BCL2L12: variants seen among roughly 807,000 people sequenced by gnomAD.
BCL2L12 encodes the protein BCL2 like 12.
BCL2L12 carries 27 observed loss-of-function variants against 25.7 expected under a neutral mutation model. That is an observed-to-expected ratio of 1.05 (90% CI 0.78 to 1.45). The LOEUF is 1.45. BCL2L12 is among the 40% of genes most tolerant of loss of function. The probability of loss-of-function intolerance (pLI) is 0.00; values close to 1 mark genes in which losing one functional copy is unlikely to be tolerated. For synonymous variants in BCL2L12, 132 were observed against 145.6 expected (o/e 0.91, Z 0.67); for missense variants, 302 against 329.8 (o/e 0.92, Z 0.65).
At chr19:49,670,137 G>C (rs1029994149) in intron 5 of BCL2L12, 79 bp from the exon 6 acceptor site, 1 of 1,526,646 alleles carries the variant, frequency 6.6e-7, no homozygotes, top group Non-Finnish European at 8.7e-7. Context: ...TCCTGAACCG[G>C]GAAGCCACGC....
chr19:49,668,662 C>T (rs1018753244), intron 3 of BCL2L12, among the ~76,000 whole-genome samples, 189 bp from the exon 4 acceptor site: 4 of 152,038 alleles, frequency 2.6e-5, no homozygotes, highest in South Asian at 2.1e-4. Flanking sequence ...TGGCGGCGTG[C>T]GCCTGTAGTC....
Position 49,665,955 on chromosome 19 carries a change from T to G in BCL2L12, c.-121T>G, listed in dbSNP as rs141156787. On this transcript the variant is annotated 5_prime_UTR_variant, in exon 1 of 7. Transcript: ENST00000246784. ...CGCCCTTTCTACGCTGGGCCGGTTA[T>G]CGACCCGGCCCAGTGCGCAGGCGCG... The G allele has an allele frequency of 2.1e-4, 334 of 1,613,624 alleles. 1 individual carries two copies. In the African/African-American group the frequency reaches 3.4e-3, roughly 17 times the overall value.
intron 6 of BCL2L12, among the ~76,000 whole-genome samples, chr19:49,671,023 G>A (rs1414888186): frequency 1.3e-5 from 2 of 152,032 alleles, no homozygotes; most frequent in Non-Finnish European, 2.9e-5. Flanking sequence ...TTAGCCGGGC[G>A]CGGTGGCAGG....
chr19:49,670,188 C>G (rs1186989783), intron 5 of BCL2L12, 28 bp from the exon 6 acceptor site: 1 of 1,592,862 alleles, frequency 6.3e-7, no homozygotes, highest in Non-Finnish European at 8.5e-7. Context: ...GCGCTGCTGA[C>G]GCGGACCCTG....
rs1339513511 is a variant in BCL2L12, at chr19:49,667,084, T to C, written c.173T>C (p.Leu58Pro). ...CTTCGAAGATGTCTTCCCTGCTCCC[T>C]GGGGCGAGGAGCAGCCCCCTCTGAG... is the stretch of plus-strand genomic sequence containing the variant. ...SRLRRCLPCS[L>P]GRGAAPSESP... The change falls in exon 3 of 7, where the codon CTG (leucine) becomes CCG (proline). Residue 58 changes from leucine (L) to proline (P), a missense_variant. Physicochemically the swap from Leu to Pro is moderately conservative, Grantham distance 98. Coordinates refer to ENST00000246784, the MANE Select transcript of BCL2L12 (RefSeq NM_138639.2). 1 of 1,613,794 alleles carries C rather than the reference T, an allele frequency of 6.2e-7. No homozygotes were observed. Among genetic ancestry groups the C allele is most frequent in the Non-Finnish European group, 8.5e-7 (1 of 1,179,996 alleles).
At chr19:49,669,158 C>T (rs752704074) in intron 5 of BCL2L12, 43 bp downstream of exon 5, 35 of 1,604,438 alleles carry the variant, frequency 2.2e-5, no homozygotes, top group Admixed American at 6.8e-5. Flanking sequence ...ACAGGAGTTG[C>T]GGAATGGTGG....
At chr19:49,673,586 G>C in intron 6 of BCL2L12, 112 bp from the exon 7 acceptor site, 1 of 896,542 alleles carries the variant, frequency 1.1e-6, no homozygotes, top group South Asian at 1.4e-5. Context: ...GTCACCCTCC[G>C]CTCTCTGGTT....
intron 2 of BCL2L12, 54 bp downstream of exon 2, chr19:49,666,853 A>C: frequency 6.5e-7 from 1 of 1,526,944 alleles, no homozygotes; most frequent in East Asian, 2.5e-5. Context: ...CTCCCTCCTA[A>C]CTCTTGCTCC....
chr19:49,665,484 C>T (rs976141517), upstream of BCL2L12: 9 of 234,862 alleles, frequency 3.8e-5, no homozygotes, highest in African/African-American at 1.1e-4. Context: ...TGCAGCCGAC[C>T]TCCAGCGTCG....
chr19:49,673,384 G>A (rs1178024925), intron 6 of BCL2L12, among the ~76,000 whole-genome samples: 1 of 151,810 alleles, frequency 6.6e-6, no homozygotes, highest in Non-Finnish European at 1.5e-5. Flanking sequence ...ACTCTGAATT[G>A]TTCAAATCCC....
At position 49,667,062 on chromosome 19, in the gene BCL2L12, C is replaced by T. The variant is rs756861401; in HGVS notation, c.151C>T (p.Arg51Ter). The T allele has an allele frequency of 4.3e-6, 7 of 1,613,618 alleles. No individual in the cohort carries two copies. The South Asian group carries it at 4.4e-5, about 10-fold the overall frequency. ...EEPTDFLSRL[R>*]RCLPCSLGRG... ...GCCAACAGACTTCCTGAGCCGCCTT[C>T]GAAGATGTCTTCCCTGCTCCCTGGG... The change falls in exon 3 of 7, where the codon CGA (arginine) becomes TGA (stop). Residue 51 changes from arginine (R) to a stop codon, truncating the protein, a stop_gained. Transcript: ENST00000246784. LOFTEE classifies it high-confidence loss of function.
chr19:49,668,732 C>T (rs2081882714), intron 3 of BCL2L12, 119 bp from the exon 4 acceptor site: 1 of 1,032,870 alleles, frequency 9.7e-7, no homozygotes, highest in Non-Finnish European at 1.4e-6. Context: ...AAAATCAATA[C>T]ATAAATAAAT....
At chr19:49,667,299 T>A in intron 3 of BCL2L12, 138 bp downstream of exon 3, 2 of 1,232,738 alleles carry the variant, frequency 1.6e-6, no homozygotes, top group Non-Finnish European at 2.2e-6. Context: ...TCCTCTCCCC[T>A]CCCCAGTTAG....
At chr19:49,665,850 G>A (rs199911047), upstream of BCL2L12, 12 of 1,603,504 alleles carry the variant, frequency 7.5e-6, no homozygotes, top group Non-Finnish European at 9.4e-6. Context: ...GGCTGTTCCC[G>A]CCCCTATGCC....
chr19:49,668,092 CTTTTTT>C (rs764611836), intron 3 of BCL2L12, among the ~76,000 whole-genome samples: 1 of 125,386 alleles, frequency 8.0e-6, no homozygotes, highest in Non-Finnish European at 1.7e-5. Flanking sequence ...CTCTGACATT[CTTTTTT>C]TTTTTTTTTT....
intron 6 of BCL2L12, 106 bp downstream of exon 6, chr19:49,670,594 C>G: frequency 7.1e-7 from 1 of 1,418,202 alleles, no homozygotes; most frequent in Non-Finnish European, 9.4e-7. Context: ...AGGTATTCTC[C>G]CAGCTCCACT....
intron 5 of BCL2L12, among the ~76,000 whole-genome samples, chr19:49,669,945 C>T (rs1430215512): frequency 6.6e-6 from 1 of 152,116 alleles, no homozygotes; most frequent in African/African-American, 2.4e-5. Context: ...AGGGGCATGG[C>T]TAGATTAACT....
intron 3 of BCL2L12, among the ~76,000 whole-genome samples, chr19:49,668,379 G>T (rs967072803): frequency 6.6e-6 from 1 of 152,060 alleles, no homozygotes; most frequent in Admixed American, 6.5e-5. Flanking sequence ...GATTACAGGC[G>T]TGAGCCACTG....
In BCL2L12 at chr19:49,665,977, C is replaced by T. The variant is rs1199964613; in HGVS notation, c.-99C>T. On this transcript the variant is annotated 5_prime_UTR_variant, in exon 1 of 7. Coordinates refer to ENST00000246784, the MANE Select transcript of BCL2L12 (RefSeq NM_138639.2). Reference sequence around the variant, plus strand: ...TTATCGACCCGGCCCAGTGCGCAGGCGCGGGAAAGTTGAACTAATAAAGTT... The same window carrying T: ...TTATCGACCCGGCCCAGTGCGCAGGTGCGGGAAAGTTGAACTAATAAAGTT... 6.2e-7 allele frequency: 1 copy of T among 1,611,644 alleles called. No individual in the cohort carries two copies. The highest frequency in any genetic ancestry group is 2.2e-5 in the East Asian group (1 of 44,866).
Sources: allele counts gnomAD v4.1 joint callset (sites outside exome capture counted in the v4.1 genomes callset), GRCh38; gene constraint gnomAD v4.1.1; transcripts MANE v1.5; gene names NCBI Gene and HGNC (gene_info 2026-07-23, HGNC 2026-07-21).